The following DNM3 variants were observed in gnomAD, a reference collection of about 807,000 sequenced individuals.
DNM3 encodes the protein dynamin-3.
In DNM3, 47 loss-of-function variants were observed where a neutral mutation model predicts 101.6. The ratio of observed to expected loss-of-function variants is 0.46; its 90% CI spans 0.37 to 0.59. The LOEUF is 0.59. DNM3 is among the 20% of genes least tolerant of loss of function. The pLI is 0.00. For synonymous variants in DNM3, 385 were observed against 387.9 expected (o/e 0.99, Z 0.09); for missense variants, 849 against 1,085.7 (o/e 0.78, Z 3.06).
At chr1:172,326,412 G>A (rs766298304) in intron 17 of DNM3, among the ~76,000 whole-genome samples, 8 of 152,130 alleles carry the variant, frequency 5.3e-5, no homozygotes, top group Non-Finnish European at 1.0e-4. Context: ...CAGAATCCAG[G>A]ACACCCTGAG....
At chr1:172,084,798 A>G (rs1018823539) in intron 12 of DNM3, among the ~76,000 whole-genome samples, 2 of 152,180 alleles carry the variant, frequency 1.3e-5, no homozygotes, top group African/African-American at 4.8e-5. Flanking sequence ...GAGAGTTGCC[A>G]AAAGGGAAGG....
intron 15 of DNM3, among the ~76,000 whole-genome samples, chr1:172,276,922 A>G (rs1009340917): frequency 1.3e-5 from 2 of 152,106 alleles, no homozygotes; most frequent in Non-Finnish European, 2.9e-5. Flanking sequence ...TAAGCTTTCA[A>G]ATAGCCATTG....
At chr1:171,847,475 A>G (rs747926823) in intron 1 of DNM3, among the ~76,000 whole-genome samples, 2 of 152,074 alleles carry the variant, frequency 1.3e-5, no homozygotes, top group Non-Finnish European at 2.9e-5. Flanking sequence ...TTGAATTTAG[A>G]CTGTGACTTT....
intron 12 of DNM3, among the ~76,000 whole-genome samples, chr1:172,092,224 A>C (rs1223594130): frequency 6.6e-6 from 1 of 152,226 alleles, no homozygotes; most frequent in Non-Finnish European, 1.5e-5. Context: ...TTGGATCTAC[A>C]TGGCAGATCC....
intron 13 of DNM3, among the ~76,000 whole-genome samples, chr1:172,121,510 G>A (rs985769879): frequency 5.9e-5 from 9 of 152,228 alleles, no homozygotes; most frequent in African/African-American, 2.2e-4. Flanking sequence ...TTTTGGAAGC[G>A]AAGCTCAGTG....
chr1:171,926,500 GC>G (rs1313580936), intron 2 of DNM3, among the ~76,000 whole-genome samples: 1 of 152,100 alleles, frequency 6.6e-6, no homozygotes, highest in Non-Finnish European at 1.5e-5. Flanking sequence ...TAGGATCTTG[GC>G]CCCTTTGTCA....
intron 1 of DNM3, among the ~76,000 whole-genome samples, chr1:171,893,245 G>GTT (rs1274308063): frequency 1.3e-5 from 2 of 152,074 alleles, no homozygotes; most frequent in African/African-American, 4.8e-5. Flanking sequence ...ATGGACTAAG[G>GTT]TTTACTTTTT....
chr1:172,343,437 C>T (rs2066782646), intron 17 of DNM3, among the ~76,000 whole-genome samples: 1 of 151,808 alleles, frequency 6.6e-6, no homozygotes, highest in African/African-American at 2.4e-5. Flanking sequence ...ATATGATTTA[C>T]ACCATATTCC....
chr1:172,414,751 T>TA (rs11378822), downstream of DNM3, among the ~76,000 whole-genome samples: 92,634 of 100,116 alleles, frequency 0.93, 43,233 homozygotes, highest in East Asian at 0.95. Context: ...ACCTCATCTC[T>TA]AAAAAAAAAA....
chr1:171,984,583 A>G (rs2045101959), intron 2 of DNM3, among the ~76,000 whole-genome samples: 1 of 152,082 alleles, frequency 6.6e-6, no homozygotes, highest in Admixed American at 6.5e-5. Flanking sequence ...TATCTATACC[A>G]CATAACCAAG....
In DNM3 at chr1:172,412,336, A is replaced by G; in HGVS notation, c.*4495A>G. On this transcript the variant is annotated 3_prime_UTR_variant, in exon 21 of 21. Transcript: ENST00000627582. ...GTCTGCTACCAGTTTGTTAAAAATT[A>G]TTCCCCCCAACCAGTAATTCCACCA... The G allele has an allele frequency of 6.1e-6, 6 of 985,602 alleles. No individual in the cohort carries two copies. Among genetic ancestry groups the G allele is most frequent in the Non-Finnish European group, 7.2e-6 (6 of 829,914 alleles). The allele number at this position is 985,602 out of a possible 1,614,324, so 61.1% of individuals were successfully genotyped here.
chr1:172,069,360 G>A (rs1001300835), intron 11 of DNM3, among the ~76,000 whole-genome samples: 30 of 152,114 alleles, frequency 2.0e-4, no homozygotes, highest in African/African-American at 6.8e-4. Flanking sequence ...TCTGAGGAGA[G>A]AGTGGACCTA....
intron 2 of DNM3, among the ~76,000 whole-genome samples, chr1:171,950,645 A>G (rs115071456): frequency 1.3e-5 from 2 of 152,188 alleles, no homozygotes; most frequent in Non-Finnish European, 2.9e-5. Flanking sequence ...ATAGTGACAC[A>G]AAGCCCATTA....
chr1:171,946,046 A>G (rs969281828), intron 2 of DNM3, among the ~76,000 whole-genome samples: 2 of 152,182 alleles, frequency 1.3e-5, no homozygotes, highest in African/African-American at 2.4e-5. Context: ...CAAGACCTGC[A>G]GTTTTAATTT....
chr1:172,200,446 G>A (rs986360746), intron 14 of DNM3, among the ~76,000 whole-genome samples: 4 of 152,050 alleles, frequency 2.6e-5, no homozygotes, highest in African/African-American at 7.2e-5. Context: ...TTGACTGTTG[G>A]CCTCTCTAGC....
intron 15 of DNM3, chr1:172,289,615 T>C (rs1297590140): frequency 1.0e-6 from 1 of 974,360 alleles, no homozygotes; most frequent in Non-Finnish European, 1.2e-6. Flanking sequence ...TGCTTCGTTT[T>C]ATAATTTTCC....
At chr1:172,044,146 G>A (rs1336862326) in intron 8 of DNM3, among the ~76,000 whole-genome samples, 1 of 152,178 alleles carries the variant, frequency 6.6e-6, no homozygotes, top group African/African-American at 2.4e-5. Context: ...CTTATGCATA[G>A]CACTCCATAT....
At chr1:172,113,322 G>A (rs2055625883) in intron 13 of DNM3, among the ~76,000 whole-genome samples, 1 of 152,116 alleles carries the variant, frequency 6.6e-6, no homozygotes, top group South Asian at 2.1e-4. Flanking sequence ...AATTCTATAA[G>A]GGGATATACT....
chr1:172,074,237 A>C (rs1453911720), intron 11 of DNM3, among the ~76,000 whole-genome samples: 2 of 152,190 alleles, frequency 1.3e-5, no homozygotes, highest in Non-Finnish European at 1.5e-5. Context: ...GAGTAACCAG[A>C]GTGCTAGTTT....
Sources: gnomAD v4.1 joint callset for allele counts (sites outside exome capture counted in the v4.1 genomes callset) on GRCh38, gnomAD v4.1.1 for gene constraint, MANE v1.5 for transcripts, NCBI Gene and HGNC (gene_info 2026-07-23, HGNC 2026-07-21) for gene names.